ZNF417: variants seen among roughly 807,000 people sequenced by gnomAD.
ZNF417 encodes the protein zinc finger protein 417.
Under a neutral mutation model 7.4 loss-of-function variants are expected in ZNF417, and 5 were observed. The observed-to-expected ratio is 0.68, with a 90% CI of 0.35 to 1.43. The LOEUF is 1.43. Among genes scored for constraint, ZNF417 ranks in the 40% most tolerant of loss-of-function variants. The probability of loss-of-function intolerance (pLI) is 0.04; values close to 1 mark genes in which losing one functional copy is unlikely to be tolerated. For missense variants in ZNF417, 437 were observed against 697.3 expected (o/e 0.63, Z 4.20); for synonymous variants, 147 against 239.1 (o/e 0.61, Z 3.55).
At position 57,909,658 on chromosome 19, in the gene ZNF417, T is replaced by C. The variant is rs373994686; in HGVS notation, c.620A>G (p.Glu207Gly). ...TCCACAACTGTAATTAGTTTTTCCC[T>C]CCTGAAAGGGTGGGCCATGCATAGT... The part of the protein sequence containing the change: ...SETMHGPPFQ[E>G]GKTNYSCGKR... Residue 207 changes from glutamate to glycine, a missense_variant, in exon 3 of 3, where the codon GAG becomes GGG. This residue lies in a region of ZNF417 where 60 missense variants were observed against 266.0 expected (regional missense o/e 0.23). Transcript: ENST00000312026. 6.3e-7 allele frequency: 1 copy of C among 1,578,980 alleles called. No individual in the cohort carries two copies. The highest frequency in any genetic ancestry group is 8.6e-7 in the Non-Finnish European group (1 of 1,163,612).
rs1240703346 is a variant in ZNF417 at position 57,916,524 on chromosome 19, G to A, written c.-113C>T. The A allele has an allele frequency of 3.2e-6, 5 of 1,581,306 alleles. No individual in the cohort carries two copies. Among genetic ancestry groups the A allele is most frequent in the Admixed American group, 1.8e-5 (1 of 55,072 alleles). ...TCCACCTTCTAGGTTCAGTCACCGC[G>A]GTCCCCCCCCAGCACTCAGGGGCCA... On this transcript the variant is annotated 5_prime_UTR_variant, in exon 1 of 3. Transcript: ENST00000312026.
Position 57,905,921 on chromosome 19 carries a change from T to A in ZNF417, c.*2629A>T, listed in dbSNP as rs2122505436. Among the ~76,000 whole-genome samples the A allele has an allele frequency of 6.6e-6, 1 of 152,338 alleles. No individual in the cohort carries two copies. Among genetic ancestry groups the A allele is most frequent in the East Asian group, 1.9e-4 (1 of 5,182 alleles). ...AAGAGCCTGCAGAGACTAAAATTGCTTAGTACTGAAAGTTTTGCCTATATA... is the reference window on the plus strand; with the variant it reads ...AAGAGCCTGCAGAGACTAAAATTGCATAGTACTGAAAGTTTTGCCTATATA... On this transcript the variant is annotated 3_prime_UTR_variant, in exon 3 of 3. Transcript: ENST00000312026.
chr19:57,912,908 AG>A (rs1202006124), intron 1 of ZNF417, among the ~76,000 whole-genome samples: 2 of 152,036 alleles, frequency 1.3e-5, no homozygotes, highest in African/African-American at 2.4e-5. Context: ...CACTGCACCC[AG>A]CCCCCACAAA....
chr19:57,916,297 G>C (rs184376112), intron 1 of ZNF417, 82 bp downstream of exon 1: 2 of 1,609,742 alleles, frequency 1.2e-6, no homozygotes, highest in Admixed American at 1.7e-5. Context: ...CTACAGACCC[G>C]TGAGCAGGAG....
At position 57,913,377 on chromosome 19, in the gene ZNF417, T is replaced by G. The variant is rs145442856; in HGVS notation, c.34-1188A>C. On this transcript the variant is annotated intron_variant, in intron 1 of 2. Transcript: ENST00000312026. ...ACAGAACCACATATGGCTTCAGATA[T>G]CCATGGACCTATTTCACTTTTGTGC... is the stretch of plus-strand genomic sequence containing the variant. Among the ~76,000 whole-genome samples the G allele has an allele frequency of 9.5e-4, 145 of 152,306 alleles. 1 individual carries two copies. Among genetic ancestry groups the G allele is most frequent in the African/African-American group, 3.3e-3 (137 of 41,564 alleles).
chr19:57,912,831 T>C (rs571649878), intron 1 of ZNF417, among the ~76,000 whole-genome samples: 108 of 152,082 alleles, frequency 7.1e-4, no homozygotes, highest in African/African-American at 2.6e-3. Flanking sequence ...GCCAGGCTGG[T>C]CTTGAGCTCC....
intron 1 of ZNF417, among the ~76,000 whole-genome samples, chr19:57,913,135 C>T (rs1257805097): frequency 2.6e-5 from 4 of 151,920 alleles, no homozygotes; most frequent in Non-Finnish European, 5.9e-5. Flanking sequence ...TTTGTACTCA[C>T]ACCTTTTAAG....
chr19:57,908,921 C>A lies in ZNF417; in HGVS notation c.1357G>T (p.Val453Phe), dbSNP rs553989993. 3 of 1,612,804 alleles carry A rather than the reference C, an allele frequency of 1.9e-6. No homozygotes were observed. The highest frequency in any genetic ancestry group is 2.5e-6 in the Non-Finnish European group (3 of 1,179,546). Reference sequence around the variant, plus strand: ...TCTCCAGTGTGAACTCTCTCATGAACGAGAAGATGATACTTCCTGTTAAAT... The same window carrying A: ...TCTCCAGTGTGAACTCTCTCATGAAAGAGAAGATGATACTTCCTGTTAAAT... Reference protein sequence around the residue: ...KLFNRKYHLLVHERVHTGERP... With the variant: ...KLFNRKYHLLFHERVHTGERP... Residue 453 changes from valine (V) to phenylalanine (F), a missense_variant, in exon 3 of 3, where the codon GTT (valine) becomes TTT (phenylalanine). Around this residue, in one of 5 missense-constraint regions of ZNF417, gnomAD observed 233 missense variants for 235.5 expected, o/e 0.99. Coordinates refer to ENST00000312026, the MANE Select transcript of ZNF417 (RefSeq NM_152475.3).
intron 2 of ZNF417, among the ~76,000 whole-genome samples, chr19:57,910,544 C>G (rs193072325): frequency 7.8e-4 from 118 of 152,062 alleles, no homozygotes; most frequent in Non-Finnish European, 1.5e-3. Flanking sequence ...GAGACTCCAT[C>G]TCAAAATAAT....
Position 57,908,887 on chromosome 19 carries a change from T to C in ZNF417, c.1391A>G (p.Tyr464Cys). The part of the protein sequence containing the change: ...HERVHTGERP[Y>C]ACEVCGKLFG... ...TAATTTCCCACATACCTCACACGCA[T>C]ATGGCCTTTCTCCAGTGTGAACTCT... Residue 464 changes from tyrosine to cysteine, a missense_variant, in exon 3 of 3, where the codon TAT (tyrosine) becomes TGT (cysteine). This residue lies in a region of ZNF417 where 233 missense variants were observed against 235.5 expected (regional missense o/e 0.99). Coordinates refer to ENST00000312026, the MANE Select transcript of ZNF417 (RefSeq NM_152475.3). 6.2e-7 allele frequency: 1 copy of C among 1,614,230 alleles called. No individual in the cohort carries two copies. The highest frequency in any genetic ancestry group is 8.5e-7 in the Non-Finnish European group (1 of 1,180,046).
intron 1 of ZNF417, 103 bp downstream of exon 1, chr19:57,916,276 C>T (rs1254345389): frequency 6.2e-7 from 1 of 1,602,924 alleles, no homozygotes; most frequent in African/African-American, 1.3e-5. Flanking sequence ...TGTTCCTACG[C>T]CGGGTACCGG....
rs577713197 is a variant in ZNF417, at chr19:57,907,010, T to A, written c.*1540A>T. On this transcript the variant is annotated 3_prime_UTR_variant, in exon 3 of 3. Coordinates refer to ENST00000312026, the MANE Select transcript of ZNF417 (RefSeq NM_152475.3). Reference sequence around the variant, plus strand: ...CTGGGACTACAGGCACCCACCACTATGCTTGGGTAATTTTTGTATTTTTAG... The same window carrying A: ...CTGGGACTACAGGCACCCACCACTAAGCTTGGGTAATTTTTGTATTTTTAG... The A allele has an allele frequency of 6.6e-6, 1 of 151,226 alleles. No individual in the cohort carries two copies. The highest frequency in any genetic ancestry group is 6.6e-5 in the Admixed American group (1 of 15,152). 9.4% of individuals were successfully genotyped at this position (151,226 alleles called of 1,614,324 possible).
At position 57,912,196 on chromosome 19, in the gene ZNF417, T is replaced by C. The variant is rs753723995; in HGVS notation, c.34-7A>G. ...CAAAGGTCACAGTGCCCTGCTATGATAGTGACAGATGAAACCACAAACAGC... is the reference window on the plus strand; with the variant it reads ...CAAAGGTCACAGTGCCCTGCTATGACAGTGACAGATGAAACCACAAACAGC... On this transcript the variant is annotated splice_region_variant and splice_polypyrimidine_tract_variant and intron_variant, in intron 1 of 2. Transcript: ENST00000312026. The C allele has an allele frequency of 2.5e-6, 4 of 1,612,096 alleles. No homozygotes were observed. The highest frequency in any genetic ancestry group is 3.4e-6 in the Non-Finnish European group (4 of 1,179,420).
rs766281369 is a variant in ZNF417 at position 57,909,367 on chromosome 19, G to C, written c.911C>G (p.Ser304Cys). 1.2e-6 allele frequency: 2 copies of C among 1,614,172 alleles called. No homozygotes were observed. The highest frequency in any genetic ancestry group is 1.1e-5 in the South Asian group (1 of 91,088). Reference protein sequence around the residue: ...TAYPCEECGKSFSQKGSLISH... With the variant: ...TAYPCEECGKCFSQKGSLISH... The stretch of plus-strand genomic sequence containing the variant: ...AATAAGGCTGCCCTTCTGACTAAAA[G>C]ATTTCCCGCACTCCTCACAGGGATA... Residue 304 changes from serine to cysteine, a missense_variant, in exon 3 of 3, where the codon TCT (serine) becomes TGT (cysteine). By Grantham distance (112) the Ser-to-Cys change is moderately radical. This residue lies in a region of ZNF417 where 34 missense variants were observed against 33.3 expected (regional missense o/e 1.02). Coordinates refer to ENST00000312026, the MANE Select transcript of ZNF417 (RefSeq NM_152475.3).
intron 2 of ZNF417, among the ~76,000 whole-genome samples, 164 bp from the exon 3 acceptor site, chr19:57,910,278 G>A (rs1331275733): frequency 6.6e-6 from 1 of 152,198 alleles, no homozygotes; most frequent in African/African-American, 2.4e-5. Context: ...GGGCGCAGTG[G>A]CTCACGCCTG....
In ZNF417 at chr19:57,908,565, C is replaced by G. The variant is rs1368292129; in HGVS notation, c.1713G>C (p.Arg571Ser). Residue 571 changes from arginine (R) to serine (S), a missense_variant, in exon 3 of 3, where the codon AGG becomes AGC. Arg to Ser is a moderately radical substitution (Grantham distance 110, BLOSUM62 -1). This residue lies in a region of ZNF417 where 233 missense variants were observed against 235.5 expected (regional missense o/e 0.99). Coordinates refer to ENST00000312026, the MANE Select transcript of ZNF417 (RefSeq NM_152475.3). ...STLLHHQSSH[R>S]RKAL ...TTCACTGCACTCATAAGGCCTTTCT[C>G]CTGTGTGAACTCTGATGATGAAGGA... 1.9e-6 allele frequency: 3 copies of G among 1,614,054 alleles called. No homozygotes were observed. Among genetic ancestry groups the G allele is most frequent in the Non-Finnish European group, 2.5e-6 (3 of 1,180,036 alleles).
chr19:57,915,330 G>T, intron 1 of ZNF417: 1 of 200,854 alleles, frequency 5.0e-6, no homozygotes, highest in Admixed American at 5.8e-5. Flanking sequence ...GGCTTCTAGC[G>T]TCCTCACCTT....
chr19:57,916,348 G>T, intron 1 of ZNF417, 31 bp downstream of exon 1: 1 of 1,614,162 alleles, frequency 6.2e-7, no homozygotes, highest in South Asian at 1.1e-5. Flanking sequence ...ACGATGGGGT[G>T]ACCTGAGGGC....
chr19:57,915,992 T>C (rs2071943904), intron 1 of ZNF417, among the ~76,000 whole-genome samples: 1 of 152,076 alleles, frequency 6.6e-6, no homozygotes, highest in African/African-American at 2.4e-5. Context: ...ACTTTAACCC[T>C]CTATGAATCC....
Sources: allele counts gnomAD v4.1 joint callset (sites outside exome capture counted in the v4.1 genomes callset), GRCh38; gene constraint gnomAD v4.1.1; regional missense constraint gnomAD v4.1.1; transcripts MANE v1.5; gene names NCBI Gene and HGNC (gene_info 2026-07-23, HGNC 2026-07-21).